MCC: variants seen among roughly 807,000 people sequenced by gnomAD.
MCC encodes the protein MCC regulator of Wnt signaling pathway.
Under a neutral mutation model 116.2 loss-of-function variants are expected in MCC, and 90 were observed. The ratio of observed to expected loss-of-function variants is 0.77; its 90% CI spans 0.65 to 0.92. The LOEUF (loss-of-function observed/expected upper bound fraction) is 0.92. Among genes scored for constraint, MCC ranks in the 40% least tolerant of loss-of-function variants. The pLI, the probability that MCC is intolerant of heterozygous loss-of-function variation, is 0.00. For synonymous variants in MCC, 578 were observed against 510.5 expected (o/e 1.13, Z -1.78); for missense variants, 1,516 against 1,312.2 (o/e 1.16, Z -2.40).
chr5:113,313,262 G>A (rs34558181), intron 3 of MCC, among the ~76,000 whole-genome samples: 17,730 of 152,082 alleles, frequency 0.12, 1,253 homozygotes, highest in Non-Finnish European at 0.17. Context: ...CAGGAGAATC[G>A]CTTGAACCCA....
At chr5:113,380,551 C>T (rs1181729240) in intron 2 of MCC, among the ~76,000 whole-genome samples, 11 of 152,190 alleles carry the variant, frequency 7.2e-5, no homozygotes, top group Admixed American at 4.6e-4. Context: ...AGCATCTTCC[C>T]TGTGCCAGGC....
intron 3 of MCC, among the ~76,000 whole-genome samples, chr5:113,310,799 C>G (rs1767118752): frequency 6.6e-6 from 1 of 152,130 alleles, no homozygotes; most frequent in Non-Finnish European, 1.5e-5. Flanking sequence ...TTTATTTTAT[C>G]TTTCTTAAGG....
intron 6 of MCC, among the ~76,000 whole-genome samples, chr5:113,117,373 A>T (rs1168386355): frequency 2.0e-5 from 3 of 152,180 alleles, no homozygotes; most frequent in Admixed American, 2.0e-4. Context: ...AAACCTATTC[A>T]CACAGAGGAA....
At chr5:113,204,162 T>C (rs185528029) in intron 3 of MCC, among the ~76,000 whole-genome samples, 1 of 152,308 alleles carries the variant, frequency 6.6e-6, no homozygotes, top group East Asian at 1.9e-4. Flanking sequence ...AGAATGGTCT[T>C]GACGGTTTGC....
At chr5:113,266,701 C>T (rs1765430730) in intron 3 of MCC, among the ~76,000 whole-genome samples, 1 of 152,124 alleles carries the variant, frequency 6.6e-6, no homozygotes, top group Non-Finnish European at 1.5e-5. Context: ...CATTTAAAGG[C>T]ACCTCAGCAC....
At chr5:113,047,617 T>C (rs984817391) in intron 16 of MCC, among the ~76,000 whole-genome samples, 1 of 152,218 alleles carries the variant, frequency 6.6e-6, no homozygotes, top group Non-Finnish European at 1.5e-5. Context: ...AGCAGCTTAT[T>C]AGACTAGCAA....
chr5:113,264,494 T>G (rs1315761489), intron 3 of MCC, among the ~76,000 whole-genome samples: 1 of 152,156 alleles, frequency 6.6e-6, no homozygotes, highest in Admixed American at 6.5e-5. Context: ...GGTTAAAATA[T>G]TAAGGACTTA....
intron 1 of MCC, among the ~76,000 whole-genome samples, chr5:113,474,379 G>C (rs1288386347): frequency 1.3e-5 from 2 of 152,208 alleles, no homozygotes; most frequent in African/African-American, 4.8e-5. Context: ...AGACAGGTAA[G>C]GGCGAGAGAA....
At chr5:113,153,852 A>G (rs1181787992) in intron 3 of MCC, among the ~76,000 whole-genome samples, 2 of 152,194 alleles carry the variant, frequency 1.3e-5, no homozygotes, top group Non-Finnish European at 2.9e-5. Flanking sequence ...CGACTCCATA[A>G]CTGCAGGTTA....
rs1039279562 is a variant in MCC, at chr5:113,025,794, C to T, written c.*1508G>A. The T allele has an allele frequency of 1.3e-5, 2 of 152,068 alleles. 1 individual carries two copies. The highest frequency in any genetic ancestry group is 4.2e-4 in the South Asian group (2 of 4,812). 9.4% of individuals were successfully genotyped at this position (152,068 alleles called of 1,614,324 possible). A position where few individuals can be genotyped will look rare whatever the true frequency, so the allele number is the denominator to read the frequency against. On this transcript the variant is annotated 3_prime_UTR_variant, in exon 19 of 19. Coordinates refer to ENST00000408903, the MANE Select transcript of MCC (RefSeq NM_001085377.2). ...TTTTAGGATACAGCTGTCTGCCCTC[C>T]GAACTGGTGGCTGGAGTATCCTCCA...
chr5:113,377,891 G>A (rs1769023841), intron 2 of MCC, among the ~76,000 whole-genome samples: 1 of 151,986 alleles, frequency 6.6e-6, no homozygotes, highest in Admixed American at 6.6e-5. Flanking sequence ...AGGGCTTAGA[G>A]TATGTAAAAT....
At chr5:113,170,571 G>C (rs1761022462) in intron 3 of MCC, among the ~76,000 whole-genome samples, 1 of 151,894 alleles carries the variant, frequency 6.6e-6, no homozygotes, top group East Asian at 1.9e-4. Flanking sequence ...GGGATACCGG[G>C]GTCTCGGGGC....
intron 3 of MCC, among the ~76,000 whole-genome samples, chr5:113,227,834 T>C (rs759071183): frequency 5.3e-5 from 8 of 152,192 alleles, no homozygotes; most frequent in Non-Finnish European, 1.0e-4. Context: ...TTTCCATTAT[T>C]CCGCATTTTT....
intron 3 of MCC, among the ~76,000 whole-genome samples, chr5:113,264,119 C>T (rs1765321128): frequency 6.6e-6 from 1 of 152,198 alleles, no homozygotes; most frequent in Non-Finnish European, 1.5e-5. Flanking sequence ...AGTTGTAAGA[C>T]TTTGTGAGGT....
chr5:113,313,804 T>TTTTTG (rs913719994), intron 3 of MCC, among the ~76,000 whole-genome samples: 2 of 150,042 alleles, frequency 1.3e-5, no homozygotes, highest in African/African-American at 5.0e-5. Context: ...CTCTGTCTGT[T>TTTTTG]TTTTGTTTTG....
chr5:113,240,700 T>C (rs1023237006), intron 3 of MCC, among the ~76,000 whole-genome samples: 1 of 152,212 alleles, frequency 6.6e-6, no homozygotes, highest in Non-Finnish European at 1.5e-5. Flanking sequence ...TCTTTTTTCC[T>C]ATACTCAGAG....
At chr5:113,485,318 TG>T (rs1370793143) in intron 1 of MCC, among the ~76,000 whole-genome samples, 2 of 152,102 alleles carry the variant, frequency 1.3e-5, no homozygotes, top group Non-Finnish European at 1.5e-5. Context: ...TATCATGGGA[TG>T]GGGGGTTTAT....
intron 3 of MCC, among the ~76,000 whole-genome samples, chr5:113,330,878 T>TA (rs1436928567): frequency 1.3e-5 from 2 of 152,204 alleles, no homozygotes; most frequent in Non-Finnish European, 2.9e-5. Flanking sequence ...TGTCAATTAT[T>TA]AGGAGAGTGA....
At position 113,063,975 on chromosome 5, in the gene MCC, G is replaced by A. The variant is rs866180262; in HGVS notation, c.2213+9C>T. The A allele has an allele frequency of 1.9e-6, 3 of 1,609,092 alleles. No individual in the cohort carries two copies. Among genetic ancestry groups the A allele is most frequent in the Non-Finnish European group, 2.5e-6 (3 of 1,177,844 alleles). On this transcript the variant is annotated intron_variant, in intron 14 of 18. Coordinates refer to ENST00000408903, the MANE Select transcript of MCC (RefSeq NM_001085377.2). The stretch of plus-strand genomic sequence containing the variant: ...CACGCCCACCCCAGAGCAGAAGGCT[G>A]AGCATTACCTGGTGTGGCTGTTGGA...
Sources: allele counts gnomAD v4.1 joint callset (sites outside exome capture counted in the v4.1 genomes callset), GRCh38; gene constraint gnomAD v4.1.1; transcripts MANE v1.5; gene names NCBI Gene and HGNC (gene_info 2026-07-23, HGNC 2026-07-21).